Variants in CSMD1 observed in about 807,000 individuals in gnomAD.
CSMD1 encodes CUB and sushi domain-containing protein 1.
A neutral mutation model predicts 417.5 loss-of-function variants in CSMD1; 213 were observed. The ratio of observed to expected loss-of-function variants is 0.51; its 90% CI spans 0.46 to 0.57. CSMD1 has a LOEUF of 0.57. CSMD1 is among the 20% of genes least tolerant of loss of function. The pLI is 0.00. For synonymous variants in CSMD1, 2,862 were observed against 1,736.8 expected (o/e 1.65, Z -16.11); for missense variants, 6,923 against 4,529.7 (o/e 1.53, Z -15.17).
chr8:3,283,595 C>G (rs902350484), intron 26 of CSMD1, among the ~76,000 whole-genome samples: 39 of 152,154 alleles, frequency 2.6e-4, no homozygotes, highest in Non-Finnish European at 4.1e-4. Context: ...GAAAGCCACT[C>G]CAGCCTCTAC....
At chr8:4,373,121 G>T (rs1381114371) in intron 3 of CSMD1, among the ~76,000 whole-genome samples, 2 of 152,244 alleles carry the variant, frequency 1.3e-5, no homozygotes, top group South Asian at 4.1e-4. Flanking sequence ...GTCTCATCAT[G>T]AGAAAAACAT....
In CSMD1 at chr8:4,164,879, AG is replaced by A. The variant is rs1262659008; in HGVS notation, c.416-132781del. ...GCAACAGAGCAAGACTCCATCTCAA[AG>A]AAAAAAAAAAATATATATATATGTA... On this transcript the variant is annotated intron_variant, in intron 3 of 69. Coordinates refer to ENST00000635120, the MANE Select transcript of CSMD1 (RefSeq NM_033225.6). 1.9e-3 allele frequency among the ~76,000 whole-genome samples: 157 copies of A among 83,452 alleles called. 1 individual carries two copies. The highest frequency in any genetic ancestry group is 0.014 in the South Asian group (38 of 2,682). 54.7% of individuals were successfully genotyped at this position (83,452 alleles called of 152,430 possible).
intron 5 of CSMD1, among the ~76,000 whole-genome samples, chr8:3,896,414 A>C (rs960232866): frequency 1.1e-4 from 17 of 152,246 alleles, no homozygotes; most frequent in Non-Finnish European, 8.8e-5. Context: ...CACATGGAAA[A>C]TGCTACATGT....
chr8:3,573,932 C>A (rs955015961), intron 10 of CSMD1, among the ~76,000 whole-genome samples: 1 of 151,482 alleles, frequency 6.6e-6, no homozygotes, highest in Non-Finnish European at 1.5e-5. Flanking sequence ...ATTTTTTCTT[C>A]CTACTGGCAA....
At position 2,974,519 on chromosome 8, in the gene CSMD1, A is replaced by ACACGTGTGCCT. The variant is rs776680928; in HGVS notation, c.8671_8672insAGGCACACGTG (p.Leu2891GlnfsTer6). On this transcript the variant is annotated frameshift_variant, in exon 56 of 70. Transcript: ENST00000635120. LOFTEE classifies it high-confidence loss of function. The stretch of plus-strand genomic sequence containing the variant: ...GCACACTCTCGTGTCGTTGCCTATG[A>ACACGTGTGCCT]GGCTCTCGCTCCCTCTGCAGGAGTA... 12 of 1,613,620 alleles carry ACACGTGTGCCT rather than the reference A, an allele frequency of 7.4e-6. 1 individual carries two copies. In the South Asian group the frequency reaches 1.3e-4, roughly 18 times the overall value.
intron 3 of CSMD1, among the ~76,000 whole-genome samples, chr8:4,136,872 T>G (rs893325235): frequency 6.6e-6 from 1 of 152,208 alleles, no homozygotes; most frequent in African/African-American, 2.4e-5. Flanking sequence ...ATTTACGAAT[T>G]TCAGAGAACA....
At chr8:4,144,163 G>C (rs1476688791) in intron 3 of CSMD1, among the ~76,000 whole-genome samples, 2 of 150,856 alleles carry the variant, frequency 1.3e-5, no homozygotes, top group African/African-American at 5.0e-5. Flanking sequence ...ATACAGCTTT[G>C]GGAAGACAGC....
chr8:4,613,224 G>A (rs531973062), intron 2 of CSMD1, among the ~76,000 whole-genome samples: 2 of 152,288 alleles, frequency 1.3e-5, no homozygotes, highest in African/African-American at 4.8e-5. Context: ...AATTTGTTGA[G>A]TGTGTACAAA....
intron 1 of CSMD1, among the ~76,000 whole-genome samples, chr8:4,774,293 T>G (rs1012591073): frequency 6.6e-6 from 1 of 152,204 alleles, no homozygotes; most frequent in Non-Finnish European, 1.5e-5. Flanking sequence ...GTTTGAATCT[T>G]ACTTTCCTGA....
intron 2 of CSMD1, among the ~76,000 whole-genome samples, chr8:4,431,290 A>C (rs1797859094): frequency 6.6e-6 from 1 of 152,190 alleles, no homozygotes; most frequent in Non-Finnish European, 1.5e-5. Flanking sequence ...ATTTTATCAT[A>C]TCTCACAAAC....
chr8:4,994,189 G>C (rs1432751304), intron 1 of CSMD1, 143 bp downstream of exon 1: 3 of 693,178 alleles, frequency 4.3e-6, no homozygotes, highest in Admixed American at 2.4e-5. Flanking sequence ...CGTGCATCGC[G>C]TTCCCCGAGC....
At chr8:4,020,267 G>C (rs893694551) in intron 4 of CSMD1, among the ~76,000 whole-genome samples, 1 of 152,204 alleles carries the variant, frequency 6.6e-6, no homozygotes, top group Non-Finnish European at 1.5e-5. Flanking sequence ...ACAGCACTGG[G>C]ATTTGCCCCA....
chr8:3,837,893 G>A (rs1194894618), intron 5 of CSMD1, among the ~76,000 whole-genome samples: 2 of 152,024 alleles, frequency 1.3e-5, no homozygotes, highest in Non-Finnish European at 2.9e-5. Flanking sequence ...ATTTTCTTCT[G>A]TCACTTGGAA....
intron 2 of CSMD1, among the ~76,000 whole-genome samples, chr8:4,451,071 A>C (rs1430412683): frequency 6.6e-6 from 1 of 152,208 alleles, no homozygotes; most frequent in Admixed American, 6.5e-5. Flanking sequence ...TCAATAAGTC[A>C]GTCAAGCACT....
intron 3 of CSMD1, among the ~76,000 whole-genome samples, chr8:4,115,993 TTTA>T (rs1802118496): frequency 6.7e-6 from 1 of 149,428 alleles, no homozygotes; most frequent in African/African-American, 2.5e-5. Context: ...TATTTATTTA[TTTA>T]TTTATTTATT....
intron 12 of CSMD1, among the ~76,000 whole-genome samples, chr8:3,432,257 T>A (rs1217544295): frequency 1.3e-5 from 2 of 152,040 alleles, no homozygotes; most frequent in Admixed American, 6.6e-5. Context: ...ATAAATAGAT[T>A]TTTAAATAAA....
chr8:4,123,023 A>G (rs958276768), intron 3 of CSMD1, among the ~76,000 whole-genome samples: 1 of 152,226 alleles, frequency 6.6e-6, no homozygotes, highest in Non-Finnish European at 1.5e-5. Flanking sequence ...GACAAATTAC[A>G]ATCAGAGACT....
At chr8:4,334,051 G>A (rs749176638) in intron 3 of CSMD1, among the ~76,000 whole-genome samples, 10 of 151,712 alleles carry the variant, frequency 6.6e-5, no homozygotes, top group Non-Finnish European at 1.3e-4. Flanking sequence ...CCACAACATC[G>A]TTTCATTAAT....
At chr8:4,071,227 T>G (rs1181239420) in intron 3 of CSMD1, among the ~76,000 whole-genome samples, 3 of 152,142 alleles carry the variant, frequency 2.0e-5, no homozygotes, top group Non-Finnish European at 4.4e-5. Flanking sequence ...GCTAAACGTC[T>G]GTTAGGCCTG....
Sources: gnomAD v4.1 joint callset for allele counts (sites outside exome capture counted in the v4.1 genomes callset) on GRCh38, gnomAD v4.1.1 for gene constraint, MANE v1.5 for transcripts, NCBI Gene and HGNC (gene_info 2026-07-23, HGNC 2026-07-21) for gene names.